Variants in NRXN3 observed in about 807,000 individuals in gnomAD.
NRXN3 encodes the protein neurexin 3, also known as neurexin III.
A neutral mutation model predicts 137.6 loss-of-function variants in NRXN3; 32 were observed. That is an observed-to-expected ratio of 0.23 (90% CI 0.18 to 0.31). NRXN3 has a LOEUF of 0.31. Ranked by LOEUF, NRXN3 falls within the 10% of genes least tolerant of loss-of-function variation. The pLI is 1.00. For synonymous variants in NRXN3, 798 were observed against 784.5 expected (o/e 1.02, Z -0.29); for missense variants, 1,574 against 2,062.5 (o/e 0.76, Z 4.59).
rs1285579158 is a variant in NRXN3 at position 78,714,994 on chromosome 14, G to A, written c.1899G>A (p.Ala633=). ...AGCTGGCAGAGATGCAGAATGCTGC[G>A]GGTGTCAAGTCCTCCTGTTCACGGA... ...IRQLAEMQNA[A]GVKSSCSRMS... is the part of the protein sequence containing the mutation. The change falls in exon 8 of 21, where the codon GCG becomes GCA. Residue 633 remains alanine, a synonymous_variant. Coordinates refer to ENST00000335750, the MANE Select transcript of NRXN3 (RefSeq NM_001330195.2). 3.1e-6 allele frequency: 5 copies of A among 1,614,112 alleles called. No homozygotes were observed. Among genetic ancestry groups the A allele is most frequent in the Non-Finnish European group, 4.2e-6 (5 of 1,180,030 alleles).
intron 19 of NRXN3, among the ~76,000 whole-genome samples, chr14:79,800,411 T>C (rs1441207557): frequency 6.6e-6 from 1 of 152,208 alleles, no homozygotes; most frequent in African/African-American, 2.4e-5. Context: ...CAGTGTTTAT[T>C]AAGTGGTAAA....
At chr14:78,549,048 C>T (rs2096662377) in intron 4 of NRXN3, among the ~76,000 whole-genome samples, 1 of 152,196 alleles carries the variant, frequency 6.6e-6, no homozygotes, top group African/African-American at 2.4e-5. Flanking sequence ...CTTCCTCTTT[C>T]CCCCTTTCTG....
intron 19 of NRXN3, among the ~76,000 whole-genome samples, chr14:79,758,574 A>G (rs1269060130): frequency 2.0e-5 from 3 of 152,178 alleles, no homozygotes; most frequent in Non-Finnish European, 4.4e-5. Flanking sequence ...TGGGGATCAC[A>G]TTTCAACATG....
At chr14:79,257,658 A>G (rs1410100305) in intron 15 of NRXN3, among the ~76,000 whole-genome samples, 4 of 147,918 alleles carry the variant, frequency 2.7e-5, no homozygotes, top group African/African-American at 5.0e-5. Context: ...AGAAACTTTT[A>G]TCAGCAAGAA....
At position 79,642,671 on chromosome 14, in the gene NRXN3, C is replaced by T. The variant is rs551945044; in HGVS notation, c.3445-21107C>T. ...ACCATGTATATAATGTGTAAGCCTG[C>T]CTCAGTTTTCTTCATGGTGGCCTCA... is the stretch of plus-strand genomic sequence containing the variant. On this transcript the variant is annotated intron_variant, in intron 16 of 20. Coordinates refer to ENST00000335750, the MANE Select transcript of NRXN3 (RefSeq NM_001330195.2). Among the ~76,000 whole-genome samples, 7 of 135,124 alleles carry T rather than the reference C, an allele frequency of 5.2e-5. 1 individual carries two copies. Among genetic ancestry groups the T allele is most frequent in the Non-Finnish European group, 1.2e-4 (7 of 58,040 alleles). 88.6% of individuals were successfully genotyped at this position (135,124 alleles called of 152,430 possible).
intron 4 of NRXN3, among the ~76,000 whole-genome samples, chr14:78,399,075 A>G (rs2091798377): frequency 1.3e-5 from 2 of 152,166 alleles, no homozygotes; most frequent in South Asian, 4.1e-4. Flanking sequence ...CAGGCCTTCT[A>G]TGGGGCTTTT....
chr14:79,595,461 A>G (rs2097850538), intron 16 of NRXN3, among the ~76,000 whole-genome samples: 1 of 152,180 alleles, frequency 6.6e-6, no homozygotes, highest in Admixed American at 6.5e-5. Flanking sequence ...GCTATTACAT[A>G]ATTAAAATAT....
intron 19 of NRXN3, among the ~76,000 whole-genome samples, chr14:79,713,672 A>T (rs967376156): frequency 6.3e-5 from 9 of 142,010 alleles, no homozygotes; most frequent in African/African-American, 1.5e-4. Flanking sequence ...TTACTGTACC[A>T]CCAATTCCCT....
At chr14:79,107,655 G>C (rs2052689823) in intron 15 of NRXN3, among the ~76,000 whole-genome samples, 1 of 152,046 alleles carries the variant, frequency 6.6e-6, no homozygotes, top group Admixed American at 6.6e-5. Flanking sequence ...TGTATTTTTT[G>C]GGTAGTGCTA....
intron 17 of NRXN3, among the ~76,000 whole-genome samples, chr14:79,684,308 G>A (rs2098685870): frequency 6.6e-6 from 1 of 152,026 alleles, no homozygotes; most frequent in South Asian, 2.1e-4. Flanking sequence ...ACTGGCTTGA[G>A]TTTTAGTTAG....
At chr14:79,767,058 C>T (rs191346674) in intron 19 of NRXN3, among the ~76,000 whole-genome samples, 3 of 152,276 alleles carry the variant, frequency 2.0e-5, no homozygotes, top group African/African-American at 7.2e-5. Flanking sequence ...TGAGCCAGAA[C>T]ATTAATGCAA....
intron 10 of NRXN3, among the ~76,000 whole-genome samples, chr14:78,918,205 A>C (rs2099261234): frequency 6.7e-6 from 1 of 148,692 alleles, no homozygotes; most frequent in Admixed American, 6.7e-5. Flanking sequence ...GAATCGCTTG[A>C]ACCTGGGAGG....
At chr14:78,807,683 C>T (rs549317180) in intron 9 of NRXN3, among the ~76,000 whole-genome samples, 4 of 139,796 alleles carry the variant, frequency 2.9e-5, no homozygotes, top group African/African-American at 1.1e-4. Context: ...TGCAGTGAGC[C>T]GAGATCTCAC....
At chr14:78,590,372 G>A (rs1205236015) in intron 4 of NRXN3, among the ~76,000 whole-genome samples, 1 of 152,216 alleles carries the variant, frequency 6.6e-6, no homozygotes, top group Non-Finnish European at 1.5e-5. Context: ...AATGACTTGA[G>A]AGATTGTGAG....
At chr14:79,217,744 T>C (rs1022880347) in intron 15 of NRXN3, among the ~76,000 whole-genome samples, 1 of 152,150 alleles carries the variant, frequency 6.6e-6, no homozygotes, top group Admixed American at 6.5e-5. Context: ...GAAACACTGA[T>C]TTAACTGGTC....
In NRXN3 at chr14:78,752,184, A is replaced by G. The variant is rs75156957; in HGVS notation, c.2044+37045A>G. On this transcript the variant is annotated intron_variant, in intron 8 of 20. Transcript: ENST00000335750. Reference sequence around the variant, plus strand: ...CTTTGGGAGGCCCCGAGGCAGGCAGATGGCTTGAGGCCAGGAGTTTGAAAC... The same window carrying G: ...CTTTGGGAGGCCCCGAGGCAGGCAGGTGGCTTGAGGCCAGGAGTTTGAAAC... 9.0e-3 allele frequency among the ~76,000 whole-genome samples: 1,369 copies of G among 152,324 alleles called. 21 individuals are homozygous for G. Among genetic ancestry groups the G allele is most frequent in the African/African-American group, 0.03 (1,255 of 41,582 alleles).
intron 16 of NRXN3, among the ~76,000 whole-genome samples, chr14:79,467,962 C>T (rs907011266): frequency 4.6e-5 from 7 of 152,100 alleles, no homozygotes; most frequent in Non-Finnish European, 8.8e-5. Flanking sequence ...AGCTGCAGGC[C>T]GTAATTTAGT....
intron 10 of NRXN3, among the ~76,000 whole-genome samples, chr14:78,864,812 C>T (rs1371216391): frequency 6.6e-6 from 1 of 151,970 alleles, no homozygotes; most frequent in East Asian, 1.9e-4. Context: ...TGGTAATAAG[C>T]TGGGGGAAAC....
intron 16 of NRXN3, among the ~76,000 whole-genome samples, chr14:79,574,515 T>C (rs531995815): frequency 4.6e-5 from 7 of 152,318 alleles, no homozygotes; most frequent in Admixed American, 1.3e-4. Flanking sequence ...TCATTATTAA[T>C]GCAAATCATT....
Sources: allele counts gnomAD v4.1 joint callset (sites outside exome capture counted in the v4.1 genomes callset), GRCh38; gene constraint gnomAD v4.1.1; transcripts MANE v1.5; gene names NCBI Gene and HGNC (gene_info 2026-07-23, HGNC 2026-07-21).